RGS22: variants seen among roughly 807,000 people sequenced by gnomAD.
RGS22 encodes regulator of G-protein signaling 22.
RGS22 carries 148 observed loss-of-function variants against 172.9 expected under a neutral mutation model. The ratio of observed to expected loss-of-function variants is 0.86; its 90% CI spans 0.75 to 0.98. RGS22 has a LOEUF of 0.98. Among genes scored for constraint, RGS22 ranks in the 50% least tolerant of loss-of-function variants. The pLI is 0.00. For synonymous variants in RGS22, 458 were observed against 480.2 expected (o/e 0.95, Z 0.60); for missense variants, 1,347 against 1,440.8 (o/e 0.93, Z 1.05).
chr8:100,098,609 T>C (rs1275524012), intron 2 of RGS22, among the ~76,000 whole-genome samples: 3 of 152,140 alleles, frequency 2.0e-5, no homozygotes. Context: ...TCTGCTTTTA[T>C]CCTCCAAAGG....
chr8:100,080,569 A>C (rs1169407123), intron 3 of RGS22: 1 of 519,462 alleles, frequency 1.9e-6, no homozygotes, highest in African/African-American at 1.9e-5. Flanking sequence ...TGCCACGAGT[A>C]AGTGTCAGGG....
chr8:99,967,971 A>C (rs1810930024), intron 23 of RGS22, among the ~76,000 whole-genome samples: 2 of 152,182 alleles, frequency 1.3e-5, no homozygotes. Context: ...CAGACACTTC[A>C]CACAGGATAG....
chr8:99,989,354 T>C (rs1244423321), intron 20 of RGS22, among the ~76,000 whole-genome samples: 2 of 152,186 alleles, frequency 1.3e-5, no homozygotes, highest in Admixed American at 6.5e-5. Flanking sequence ...AGGTATTATA[T>C]TGTAGTGGTT....
At chr8:100,042,456 A>G (rs1245889116) in intron 11 of RGS22, among the ~76,000 whole-genome samples, 1 of 152,218 alleles carries the variant, frequency 6.6e-6, no homozygotes, top group African/African-American at 2.4e-5. Context: ...TGTGCTAGAT[A>G]TAATTCATAT....
chr8:100,019,057 G>T (rs1252578626), intron 14 of RGS22, among the ~76,000 whole-genome samples: 1 of 152,062 alleles, frequency 6.6e-6, no homozygotes, highest in East Asian at 1.9e-4. Context: ...TGTATCAAAG[G>T]CTAAATGATG....
chr8:100,086,187 A>C (rs567933402), intron 3 of RGS22, among the ~76,000 whole-genome samples: 1 of 152,332 alleles, frequency 6.6e-6, no homozygotes, highest in East Asian at 1.9e-4. Context: ...AAAAATAAAA[A>C]TAAAAGATAC....
Position 100,100,036 on chromosome 8 carries a change from C to A in RGS22, c.54+5338G>T, listed in dbSNP as rs72677906. On this transcript the variant is annotated intron_variant, in intron 2 of 27. Transcript: ENST00000360863. Reference sequence around the variant, plus strand: ...AAGTAATTAGTCTTGTTTAGGAGGACTGGAATTATGGACCTTTATTCTATA... The same window carrying A: ...AAGTAATTAGTCTTGTTTAGGAGGAATGGAATTATGGACCTTTATTCTATA... Among the ~76,000 whole-genome samples, 1,453 of 152,224 alleles carry A rather than the reference C, an allele frequency of 9.5e-3. 17 individuals are homozygous for A. The highest frequency in any genetic ancestry group is 0.015 in the Non-Finnish European group (1,036 of 67,998).
intron 15 of RGS22, among the ~76,000 whole-genome samples, chr8:100,007,620 G>A (rs1206396198): frequency 1.3e-5 from 2 of 152,058 alleles, no homozygotes; most frequent in East Asian, 3.8e-4. Flanking sequence ...AGGCTTTTCT[G>A]TTAATCAAAA....
intron 2 of RGS22, among the ~76,000 whole-genome samples, chr8:100,097,863 C>G (rs534087727): frequency 6.6e-6 from 1 of 152,288 alleles, no homozygotes; most frequent in South Asian, 2.1e-4. Context: ...CCTAGCCACA[C>G]CTCATTTAAT....
chr8:100,052,874 G>A lies in RGS22; in HGVS notation c.1617C>T (p.Asp539=). The A allele has an allele frequency of 1.9e-6, 3 of 1,614,072 alleles. No individual in the cohort carries two copies. Among genetic ancestry groups the A allele is most frequent in the East Asian group, 2.2e-5 (1 of 44,872 alleles). The change falls in exon 10 of 28, where the codon GAC becomes GAT. Residue 539 remains aspartate (D), a synonymous_variant. Coordinates refer to ENST00000360863, the MANE Select transcript of RGS22 (RefSeq NM_015668.5). ...LRQAKPRKDI[D]PFPQMATLLP... The stretch of plus-strand genomic sequence containing the variant: ...AGAGGGTTGCCATTTGTGGAAAAGG[G>A]TCAATATCCTTCCTTGGTTTTGCTT...
At chr8:100,069,618 G>T (rs1013523875) in intron 6 of RGS22, among the ~76,000 whole-genome samples, 1 of 152,158 alleles carries the variant, frequency 6.6e-6, no homozygotes, top group Admixed American at 6.5e-5. Flanking sequence ...GGAAGGAAAA[G>T]ACTCAATTTA....
At chr8:100,102,363 T>C (rs1251727077) in intron 2 of RGS22, among the ~76,000 whole-genome samples, 1 of 152,226 alleles carries the variant, frequency 6.6e-6, no homozygotes, top group Non-Finnish European at 1.5e-5. Context: ...ATGGGTCTGA[T>C]ATCTACCATG....
chr8:99,961,083 C>A lies in RGS22; in HGVS notation c.*159G>T. The A allele has an allele frequency of 5.2e-6, 2 of 384,348 alleles. No individual in the cohort carries two copies. Among genetic ancestry groups the A allele is most frequent in the South Asian group, 2.0e-5 (1 of 50,500 alleles). 23.8% of individuals were successfully genotyped at this position (384,348 alleles called of 1,614,324 possible). ...CAAATTTTCTTTATTTATTTCCCACCTGGAAAATCCAGAATCAAACTTTAT... is the reference window on the plus strand; with the variant it reads ...CAAATTTTCTTTATTTATTTCCCACATGGAAAATCCAGAATCAAACTTTAT... On this transcript the variant is annotated 3_prime_UTR_variant, in exon 28 of 28. Coordinates refer to ENST00000360863, the MANE Select transcript of RGS22 (RefSeq NM_015668.5).
At chr8:99,962,666 T>C (rs757485464) in intron 26 of RGS22, 21 bp downstream of exon 26, 12 of 1,580,152 alleles carry the variant, frequency 7.6e-6, no homozygotes, top group Non-Finnish European at 9.4e-6. Context: ...CAACTGAAGA[T>C]AGACTACACT....
chr8:100,023,621 A>T (rs1817850750), intron 14 of RGS22, among the ~76,000 whole-genome samples: 1 of 152,008 alleles, frequency 6.6e-6, no homozygotes, highest in East Asian at 1.9e-4. Flanking sequence ...TTTTTGTAGA[A>T]ATAGGGCCTC....
At chr8:100,016,429 C>T (rs2131418363) in intron 14 of RGS22, among the ~76,000 whole-genome samples, 1 of 152,112 alleles carries the variant, frequency 6.6e-6, no homozygotes, top group Non-Finnish European at 1.5e-5. Context: ...CAAACAATTT[C>T]TCTTTGTTCA....
Position 100,047,494 on chromosome 8 carries a change from C to G in RGS22, c.1792G>C (p.Gly598Arg), listed in dbSNP as rs774883606. 1 of 1,605,500 alleles carries G rather than the reference C, an allele frequency of 6.2e-7. No homozygotes were observed. Among genetic ancestry groups the G allele is most frequent in the Admixed American group, 1.7e-5 (1 of 58,682 alleles). ...KPWKRELLYP[G>R]SSKDDVIEKG... ...TCAATCACATCATCCTTAGAAGAAC[C>G]TGGATACAAAAGCTCCCGCTTCCAA... Residue 598 changes from glycine to arginine, a missense_variant, in exon 11 of 28, where the codon GGT (glycine) becomes CGT (arginine). Physicochemically the swap from Gly to Arg is moderately radical, Grantham distance 125. Coordinates refer to ENST00000360863, the MANE Select transcript of RGS22 (RefSeq NM_015668.5).
intron 9 of RGS22, among the ~76,000 whole-genome samples, chr8:100,057,350 A>C (rs892916003): frequency 2.0e-5 from 3 of 152,212 alleles, no homozygotes; most frequent in African/African-American, 7.2e-5. Flanking sequence ...AAATGAGTTA[A>C]GACTTTGGGG....
chr8:100,035,914 C>T (rs1166032317), intron 14 of RGS22, among the ~76,000 whole-genome samples: 2 of 152,064 alleles, frequency 1.3e-5, no homozygotes, highest in Non-Finnish European at 2.9e-5. Flanking sequence ...ACAGTGAGAA[C>T]TCTTGGACAC....
Sources: gnomAD v4.1 joint callset for allele counts (sites outside exome capture counted in the v4.1 genomes callset) on GRCh38, gnomAD v4.1.1 for gene constraint, MANE v1.5 for transcripts, NCBI Gene and HGNC (gene_info 2026-07-23, HGNC 2026-07-21) for gene names.